Variants in PDZD8 observed in about 807,000 individuals in gnomAD.
PDZD8 encodes the protein PDZ domain containing 8.
Under a neutral mutation model 85.8 loss-of-function variants are expected in PDZD8, and 14 were observed. The ratio of observed to expected loss-of-function variants is 0.16; its 90% CI spans 0.11 to 0.26. The LOEUF (loss-of-function observed/expected upper bound fraction) is 0.26, where lower values mean the gene tolerates loss of function less well. PDZD8 is among the 10% of genes least tolerant of loss of function. The probability of loss-of-function intolerance (pLI) is 1.00; values close to 1 mark genes in which losing one functional copy is unlikely to be tolerated. For missense variants in PDZD8, 1,197 were observed against 1,424.3 expected (o/e 0.84, Z 2.57); for synonymous variants, 592 against 568.6 (o/e 1.04, Z -0.59).
At chr10:117,354,918 A>G (rs970755953) in intron 1 of PDZD8, among the ~76,000 whole-genome samples, 1 of 152,200 alleles carries the variant, frequency 6.6e-6, no homozygotes, top group Admixed American at 6.5e-5. Flanking sequence ...TGCTGCATTA[A>G]AAGTGTAATT....
At chr10:117,288,457 CTTTTTT>C (rs1415978299) in intron 4 of PDZD8, among the ~76,000 whole-genome samples, 1 of 151,770 alleles carries the variant, frequency 6.6e-6, no homozygotes, top group African/African-American at 2.4e-5. Flanking sequence ...CAAGGTTTTT[CTTTTTT>C]TTAAAACAAT....
At chr10:117,368,612 C>A (rs1289867243) in intron 1 of PDZD8, among the ~76,000 whole-genome samples, 1 of 152,126 alleles carries the variant, frequency 6.6e-6, no homozygotes, top group Admixed American at 6.5e-5. Context: ...TCACTCAATT[C>A]ATTAAATTCA....
Position 117,281,546 on chromosome 10 carries a change from C to G in PDZD8, c.*1722G>C, listed in dbSNP as rs370475347. The G allele has an allele frequency of 2.8e-4, 42 of 152,196 alleles. No individual in the cohort carries two copies. Among genetic ancestry groups the G allele is most frequent in the African/African-American group, 9.9e-4 (41 of 41,510 alleles). The allele number at this position is 152,196 out of a possible 1,614,324, so 9.4% of individuals were successfully genotyped here. A position where few individuals can be genotyped will look rare whatever the true frequency, so the allele number is the denominator to read the frequency against. On this transcript the variant is annotated 3_prime_UTR_variant, in exon 5 of 5. Coordinates refer to ENST00000334464, the MANE Select transcript of PDZD8 (RefSeq NM_173791.5). ...TTTTAAAGTGGAATAACTTTTCTCCCCTCAAAAATGTCTTTCTTACTCATA... is the reference window on the plus strand; with the variant it reads ...TTTTAAAGTGGAATAACTTTTCTCCGCTCAAAAATGTCTTTCTTACTCATA...
In PDZD8 at chr10:117,278,150, A is replaced by C. The variant is rs1249264307; in HGVS notation, c.*5118T>G. On this transcript the variant is annotated 3_prime_UTR_variant, in exon 5 of 5. Transcript: ENST00000334464. ...ACTTCAAGTTTTAGAAAAGGAAACA[A>C]GAAGCTGAAAACAGCTGCTCTGACT... 1 of 152,236 alleles carries C rather than the reference A, an allele frequency of 6.6e-6. No homozygotes were observed. Among genetic ancestry groups the C allele is most frequent in the African/African-American group, 2.4e-5 (1 of 41,470 alleles). The allele number at this position is 152,236 out of a possible 1,614,324, so 9.4% of individuals were successfully genotyped here.
chr10:117,327,470 A>G (rs1844337714), intron 2 of PDZD8, among the ~76,000 whole-genome samples: 1 of 152,228 alleles, frequency 6.6e-6, no homozygotes, highest in Non-Finnish European at 1.5e-5. Context: ...TACCTGAGTT[A>G]GCATAAGTCA....
chr10:117,312,563 T>C, intron 3 of PDZD8, among the ~76,000 whole-genome samples: 1 of 152,206 alleles, frequency 6.6e-6, no homozygotes, highest in East Asian at 1.9e-4. Context: ...GTGTCTAGCA[T>C]GCTGGATTAT....
chr10:117,349,410 T>A (rs375312747), intron 1 of PDZD8, among the ~76,000 whole-genome samples: 6 of 152,202 alleles, frequency 3.9e-5, no homozygotes, highest in African/African-American at 1.4e-4. Context: ...ATCTGCATAT[T>A]AGACAGTTCT....
chr10:117,285,305 C>T lies in PDZD8; in HGVS notation c.1428G>A (p.Ser476=), dbSNP rs747981182. Reference sequence around the variant, plus strand: ...ACCCGGCAGCTTCCTCTTCATAACCCGATTGGCATGAGCTTGACAAAAAGT... The same window carrying T: ...ACCCGGCAGCTTCCTCTTCATAACCTGATTGGCATGAGCTTGACAAAAAGT... ...EENFLSSSCQ[S]GYEEEAAGLT... is the part of the protein sequence containing the mutation. The change falls in exon 5 of 5, where the codon TCG becomes TCA. Residue 476 remains serine (S), a synonymous_variant. Coordinates refer to ENST00000334464, the MANE Select transcript of PDZD8 (RefSeq NM_173791.5). 1.0e-4 allele frequency: 162 copies of T among 1,613,984 alleles called. No individual in the cohort carries two copies. The highest frequency in any genetic ancestry group is 1.3e-4 in the Non-Finnish European group (150 of 1,180,038).
intron 1 of PDZD8, among the ~76,000 whole-genome samples, chr10:117,359,985 T>C (rs999300423): frequency 3.4e-4 from 51 of 148,222 alleles, no homozygotes; most frequent in Admixed American, 2.7e-3. Flanking sequence ...TAACAAATAC[T>C]GTTACAAAAA....
chr10:117,344,047 A>C (rs1034301225), intron 1 of PDZD8, among the ~76,000 whole-genome samples: 2 of 149,942 alleles, frequency 1.3e-5, no homozygotes, highest in Admixed American at 6.6e-5. Flanking sequence ...ATTAACTCAA[A>C]AATGTCAGTT....
intron 3 of PDZD8, among the ~76,000 whole-genome samples, chr10:117,304,284 G>A (rs1843895000): frequency 6.6e-6 from 1 of 152,160 alleles, no homozygotes; most frequent in African/African-American, 2.4e-5. Flanking sequence ...GGACTTGTAT[G>A]GGCCCTGTAA....
chr10:117,318,880 T>TAGAAC lies in PDZD8; in HGVS notation c.1085_1089dup (p.Ile364ValfsTer8). 6.3e-7 allele frequency: 1 copy of TAGAAC among 1,593,824 alleles called. No individual in the cohort carries two copies. The highest frequency in any genetic ancestry group is 8.6e-7 in the Non-Finnish European group (1 of 1,162,330). On this transcript the variant is annotated frameshift_variant, in exon 3 of 5. Coordinates refer to ENST00000334464, the MANE Select transcript of PDZD8 (RefSeq NM_173791.5). LOFTEE classifies it high-confidence loss of function. Reference sequence around the variant, plus strand: ...CTGTAAATCCATTTTACCGTCTTAATAGAACTCCTCTGTTTTTCTTCCCAA... The same window carrying TAGAAC: ...CTGTAAATCCATTTTACCGTCTTAATAGAACAGAACTCCTCTGTTTTTCTTCCCAA...
chr10:117,374,899 C>T lies in PDZD8; in HGVS notation c.329G>A (p.Arg110Gln). ...CCAGCGGCGGGTCAGCGCGGTGTCCCGCAACTCCCGGAACAGGAATAGGAT... is the reference window on the plus strand; with the variant it reads ...CCAGCGGCGGGTCAGCGCGGTGTCCTGCAACTCCCGGAACAGGAATAGGAT... Reference protein sequence around the residue: ...ATILFLFRELRDTALTRRWVT... With the variant: ...ATILFLFRELQDTALTRRWVT... Residue 110 changes from arginine to glutamine, a missense_variant, in exon 1 of 5, where the codon CGG (arginine) becomes CAG (glutamine). By Grantham distance (43) the Arg-to-Gln change is conservative. Coordinates refer to ENST00000334464, the MANE Select transcript of PDZD8 (RefSeq NM_173791.5). This position sits in a 1 kb window ranked among gnomAD's most constrained non-coding sequence, Gnocchi z 7.8. 6.2e-7 allele frequency: 1 copy of T among 1,613,466 alleles called. No individual in the cohort carries two copies. Among genetic ancestry groups the T allele is most frequent in the South Asian group, 1.1e-5 (1 of 91,072 alleles).
At chr10:117,368,087 A>C (rs545531442) in intron 1 of PDZD8, among the ~76,000 whole-genome samples, 2 of 152,342 alleles carry the variant, frequency 1.3e-5, no homozygotes, top group South Asian at 4.1e-4. Context: ...TTCCCTAGAA[A>C]GACTAACCCT....
chr10:117,328,139 A>G (rs1037146774), intron 2 of PDZD8, among the ~76,000 whole-genome samples: 4 of 152,168 alleles, frequency 2.6e-5, no homozygotes, highest in African/African-American at 9.7e-5. Flanking sequence ...CAACTTATTT[A>G]TTTTGTTTGC....
chr10:117,375,145 C>T lies in PDZD8; in HGVS notation c.83G>A (p.Arg28His). 2 of 1,589,164 alleles carry T rather than the reference C, an allele frequency of 1.3e-6. No homozygotes were observed. Among genetic ancestry groups the T allele is most frequent in the Admixed American group, 1.7e-5 (1 of 58,604 alleles). Residue 28 changes from arginine (R) to histidine (H), a missense_variant, in exon 1 of 5, where the codon CGC becomes CAC. Physicochemically the swap from Arg to His is conservative, Grantham distance 29. Around this residue, in one of 4 missense-constraint regions of PDZD8, gnomAD observed 172 missense variants for 137.8 expected, o/e 1.25. Coordinates refer to ENST00000334464, the MANE Select transcript of PDZD8 (RefSeq NM_173791.5). ...GTCCGCCGGCGGCTCGGGCTGTCTG[C>T]GGTACAGCAGGAAGAACTGGGCGAG... ...TLLAQFFLLY[R>H]RQPEPPADEA...
At position 117,285,267 on chromosome 10, in the gene PDZD8, G is replaced by A. The variant is rs1182733875; in HGVS notation, c.1466C>T (p.Thr489Ile). 1 of 1,614,132 alleles carries A rather than the reference G, an allele frequency of 6.2e-7. No homozygotes were observed. The highest frequency in any genetic ancestry group is 2.2e-5 in the East Asian group (1 of 44,880). ...TTCAGAATCCAGCTCTCTACTTTCA[G>A]TATCTACTGTCAACCCGGCAGCTTC... is the stretch of plus-strand genomic sequence containing the variant. ...EEEAAGLTVD[T>I]ESRELDSEFE... is the part of the protein sequence containing the mutation. Residue 489 changes from threonine (T) to isoleucine (I), a missense_variant, in exon 5 of 5, where the codon ACT becomes ATT. Transcript: ENST00000334464.
At chr10:117,287,422 T>C (rs540795436) in intron 4 of PDZD8, among the ~76,000 whole-genome samples, 3 of 152,306 alleles carry the variant, frequency 2.0e-5, no homozygotes, top group Admixed American at 1.3e-4. Context: ...TTTTCTTTGG[T>C]TTCCCTTCTT....
Position 117,283,281 on chromosome 10 carries a change from G to C in PDZD8, c.3452C>G (p.Ser1151Cys), listed in dbSNP as rs1844598435. ...SSISDDLFGP[S>C]ESV ...TAGACCTGTCTGCTACACAGACTCG[G>C]ATGGGCCAAATAAGTCATCTGATAT... Residue 1151 changes from serine (S) to cysteine (C), a missense_variant, in exon 5 of 5, where the codon TCC becomes TGC. This residue lies in a region of PDZD8 where 418 missense variants were observed against 571.1 expected (regional missense o/e 0.73). Transcript: ENST00000334464. 4.3e-6 allele frequency: 7 copies of C among 1,611,538 alleles called. No homozygotes were observed. Among genetic ancestry groups the C allele is most frequent in the Non-Finnish European group, 5.9e-6 (7 of 1,179,210 alleles).
Sources: gnomAD v4.1 joint callset for allele counts (sites outside exome capture counted in the v4.1 genomes callset) on GRCh38, gnomAD v4.1.1 for gene constraint, gnomAD v4.1.1 regional missense constraint, Gnocchi (gnomAD v3.1) non-coding constraint, MANE v1.5 for transcripts, NCBI Gene and HGNC (gene_info 2026-07-23, HGNC 2026-07-21) for gene names.